Variants in VIM observed in about 807,000 individuals in gnomAD.
VIM encodes epididymis secretory sperm binding protein.
VIM carries 18 observed loss-of-function variants against 50.3 expected under a neutral mutation model. The ratio of observed to expected loss-of-function variants is 0.36; its 90% CI spans 0.25 to 0.53. The LOEUF (loss-of-function observed/expected upper bound fraction) is 0.53. Among genes scored for constraint, VIM ranks in the 20% least tolerant of loss-of-function variants. VIM has a pLI of 0.91. For synonymous variants in VIM, 245 were observed against 248.5 expected, an observed-to-expected ratio of 0.99 and a Z score of 0.13; for missense variants, 551 against 614.7, an observed-to-expected ratio of 0.90 and a Z score of 1.10.
At chr10:17,235,920 G>A (rs770826589) in intron 8 of VIM, 31 bp downstream of exon 8, 32 of 1,600,014 alleles carry the variant, frequency 2.0e-5, no homozygotes, top group East Asian at 8.9e-5. Context: ...TAGGAAAAAC[G>A]TCAGCTGCTT....
intron 3 of VIM, among the ~76,000 whole-genome samples, chr10:17,233,049 G>A (rs1005308776): frequency 1.6e-4 from 24 of 152,240 alleles, no homozygotes; most frequent in Non-Finnish European, 3.2e-4. Context: ...CTGGGTTGAA[G>A]AAATTCTCCT....
At position 17,237,449 on chromosome 10, in the gene VIM, G is replaced by A; in HGVS notation, c.*178G>A. The A allele has an allele frequency of 1.6e-6, 1 of 611,240 alleles. No homozygotes were observed. The highest frequency in any genetic ancestry group is 2.4e-5 in the South Asian group (1 of 42,184). The allele number at this position is 611,240 out of a possible 1,614,324, so 37.9% of individuals were successfully genotyped here. On this transcript the variant is annotated 3_prime_UTR_variant, in exon 10 of 10. Coordinates refer to ENST00000544301, the MANE Select transcript of VIM (RefSeq NM_003380.5). Reference sequence around the variant, plus strand: ...ACACTCCTACAAGATTTAGAAAAAAGTTTACAACATAATCTAGTTTACAGA... The same window carrying A: ...ACACTCCTACAAGATTTAGAAAAAAATTTACAACATAATCTAGTTTACAGA...
chr10:17,235,814 C>A, intron 7 of VIM, 32 bp from the exon 8 acceptor site: 2 of 1,610,552 alleles, frequency 1.2e-6, no homozygotes, highest in East Asian at 2.2e-5. Context: ...TATTTGCCAA[C>A]AATTTTACTG....
At chr10:17,234,051 G>A in intron 5 of VIM, 120 bp downstream of exon 5, 2 of 1,377,910 alleles carry the variant, frequency 1.5e-6, no homozygotes, top group South Asian at 2.5e-5. Flanking sequence ...TTGACTTCTT[G>A]CTCATATTGT....
At chr10:17,232,875 C>T (rs1846820682) in intron 3 of VIM, among the ~76,000 whole-genome samples, 1 of 152,142 alleles carries the variant, frequency 6.6e-6, no homozygotes, top group Non-Finnish European at 1.5e-5. Context: ...CATGTTATTC[C>T]ATGAAATTAC....
At chr10:17,230,595 G>A (rs375806055) in intron 2 of VIM, 55 bp from the exon 3 acceptor site, 18 of 1,601,244 alleles carry the variant, frequency 1.1e-5, no homozygotes, top group Non-Finnish European at 1.4e-5. Flanking sequence ...GGGTGTGGCC[G>A]CCCCGCCCCT....
chr10:17,234,542 T>C (rs1287043039), intron 5 of VIM, 151 bp from the exon 6 acceptor site: 20 of 1,079,808 alleles, frequency 1.9e-5, no homozygotes, highest in Non-Finnish European at 2.6e-5. Context: ...AAAATACTAA[T>C]GTCAGTACTC....
At chr10:17,235,824 G>A (rs1846878119) in intron 7 of VIM, 22 bp from the exon 8 acceptor site, 2 of 1,612,678 alleles carry the variant, frequency 1.2e-6, no homozygotes, top group Admixed American at 1.7e-5. Flanking sequence ...CAATTTTACT[G>A]TTTCTCTTCA....
At position 17,228,531 on chromosome 10, in the gene VIM, C is replaced by T. The variant is rs1459466334; in HGVS notation, c.-148+7C>T. 6.6e-6 allele frequency: 1 copy of T among 152,328 alleles called. No individual in the cohort carries two copies. The highest frequency in any genetic ancestry group is 1.5e-5 in the Non-Finnish European group (1 of 68,152). 9.4% of individuals were successfully genotyped at this position (152,328 alleles called of 1,614,324 possible). A position where few individuals can be genotyped will look rare whatever the true frequency, so the allele number is the denominator to read the frequency against. On this transcript the variant is annotated splice_region_variant and intron_variant, in intron 1 of 9. Transcript: ENST00000544301. ...GGCGGGACAGCAGGGCGCGGTGAGT[C>T]ACCGCCGGTGACTAAGCGACCCCAC...
chr10:17,229,568 G>C lies in VIM; in HGVS notation c.146G>C (p.Ser49Thr). The C allele has an allele frequency of 6.2e-7, 1 of 1,608,906 alleles. No homozygotes were observed. The highest frequency in any genetic ancestry group is 8.5e-7 in the Non-Finnish European group (1 of 1,178,694). The change falls in exon 2 of 10, where the codon AGC (serine) becomes ACC (threonine). Residue 49 changes from serine to threonine, a missense_variant. Around this residue, in one of 3 missense-constraint regions of VIM, gnomAD observed 134 missense variants for 126.4 expected, o/e 1.06. Coordinates refer to ENST00000544301, the MANE Select transcript of VIM (RefSeq NM_003380.5). Reference sequence around the variant, plus strand: ...GGCAGCGCGCTGCGCCCCAGCACCAGCCGCAGCCTCTACGCCTCGTCCCCG... The same window carrying C: ...GGCAGCGCGCTGCGCCCCAGCACCACCCGCAGCCTCTACGCCTCGTCCCCG... ...SLGSALRPSTSRSLYASSPGG... is the reference protein window; with the variant it reads ...SLGSALRPSTTRSLYASSPGG...
At chr10:17,236,708 G>T (rs1740317701) in intron 9 of VIM, among the ~76,000 whole-genome samples, 3 of 152,194 alleles carry the variant, frequency 2.0e-5, no homozygotes, top group South Asian at 4.1e-4. Context: ...ACCTCAATAT[G>T]AGGAATGTTT....
Position 17,235,851 on chromosome 10 carries a change from C to A in VIM, c.1235C>A (p.Ser412Tyr), listed in dbSNP as rs750766626. Reference protein sequence around the residue: ...KLLEGEESRISLPLPNFSSLN... With the variant: ...KLLEGEESRIYLPLPNFSSLN... Reference sequence around the variant, plus strand: ...TTCTCTTCATCTGTTTATAGGATTTCTCTGCCTCTTCCAAACTTTTCCTCC... The same window carrying A: ...TTCTCTTCATCTGTTTATAGGATTTATCTGCCTCTTCCAAACTTTTCCTCC... Residue 412 changes from serine to tyrosine, a missense_variant, in exon 8 of 10, where the codon TCT (serine) becomes TAT (tyrosine). Coordinates refer to ENST00000544301, the MANE Select transcript of VIM (RefSeq NM_003380.5). 6.2e-7 allele frequency: 1 copy of A among 1,613,948 alleles called. No individual in the cohort carries two copies. Among genetic ancestry groups the A allele is most frequent in the Admixed American group, 1.7e-5 (1 of 60,024 alleles).
At position 17,235,313 on chromosome 10, in the gene VIM, G is replaced by T; in HGVS notation, c.1153G>T (p.Asp385Tyr). 1.2e-6 allele frequency: 2 copies of T among 1,614,224 alleles called. No individual in the cohort carries two copies. Among genetic ancestry groups the T allele is most frequent in the Non-Finnish European group, 1.7e-6 (2 of 1,180,038 alleles). ...EMARHLREYQDLLNVKMALDI... is the reference protein window; with the variant it reads ...EMARHLREYQYLLNVKMALDI... ...GGCTCGTCACCTTCGTGAATACCAA[G>T]ACCTGCTCAATGTTAAGATGGCCCT... is the stretch of plus-strand genomic sequence containing the variant. Residue 385 changes from aspartate (D) to tyrosine (Y), a missense_variant, in exon 7 of 10, where the codon GAC (aspartate) becomes TAC (tyrosine). This residue lies in a region of VIM where 394 missense variants were observed against 437.5 expected (regional missense o/e 0.90). Coordinates refer to ENST00000544301, the MANE Select transcript of VIM (RefSeq NM_003380.5).
intron 7 of VIM, 120 bp from the exon 8 acceptor site, chr10:17,235,726 A>G: frequency 1.0e-6 from 1 of 958,108 alleles, no homozygotes; most frequent in Non-Finnish European, 1.7e-6. Context: ...ACAAATCTCT[A>G]GTTTATGATT....
chr10:17,229,548 C>T lies in VIM; in HGVS notation c.126C>T (p.Ser42=). The T allele has an allele frequency of 6.2e-7, 1 of 1,607,862 alleles. No individual in the cohort carries two copies. The highest frequency in any genetic ancestry group is 1.8e-4 in the Middle Eastern group (1 of 5,448). ...TTSTRTYSLG[S]ALRPSTSRSL... Reference sequence around the variant, plus strand: ...CCACCCGCACCTACAGCCTGGGCAGCGCGCTGCGCCCCAGCACCAGCCGCA... The same window carrying T: ...CCACCCGCACCTACAGCCTGGGCAGTGCGCTGCGCCCCAGCACCAGCCGCA... The change falls in exon 2 of 10, where the codon AGC becomes AGT. Residue 42 remains serine, a synonymous_variant. Coordinates refer to ENST00000544301, the MANE Select transcript of VIM (RefSeq NM_003380.5).
At chr10:17,236,015 C>A in intron 8 of VIM, 126 bp downstream of exon 8, 1 of 1,088,738 alleles carries the variant, frequency 9.2e-7, no homozygotes, top group Non-Finnish European at 1.4e-6. Flanking sequence ...TATAAAACAT[C>A]TATAATTTTC....
Position 17,229,714 on chromosome 10 carries a change from A to G in VIM, c.292A>G (p.Asn98Asp), listed in dbSNP as rs529112487. The change falls in exon 2 of 10, where the codon AAC becomes GAC. Residue 98 changes from asparagine (N) to aspartate (D), a missense_variant. By Grantham distance (23) the Asn-to-Asp change is conservative. Transcript: ENST00000544301. ...CGACGCCATCAACACCGAGTTCAAG[A>G]ACACCCGCACCAACGAGAAGGTGGA... ...LADAINTEFK[N>D]TRTNEKVELQ... is the part of the protein sequence containing the mutation. 6.3e-7 allele frequency: 1 copy of G among 1,575,986 alleles called. No homozygotes were observed. Among genetic ancestry groups the G allele is most frequent in the East Asian group, 2.3e-5 (1 of 42,788 alleles).
rs757407024 is a variant in VIM at position 17,233,934 on chromosome 10, A to G, written c.882+3A>G. 1 of 1,612,426 alleles carries G rather than the reference A, an allele frequency of 6.2e-7. No homozygotes were observed. Among genetic ancestry groups the G allele is most frequent in the Non-Finnish European group, 8.5e-7 (1 of 1,179,204 alleles). On this transcript the variant is annotated splice_donor_region_variant and intron_variant, in intron 5 of 9. Coordinates refer to ENST00000544301, the MANE Select transcript of VIM (RefSeq NM_003380.5). Reference sequence around the variant, plus strand: ...CAGAAGAATGGTACAAATCCAAGGTAGGAAACAAATCAGTGCGGCTTCAAC... The same window carrying G: ...CAGAAGAATGGTACAAATCCAAGGTGGGAAACAAATCAGTGCGGCTTCAAC...
In VIM at chr10:17,229,402, C is replaced by A. The variant is rs1478357437; in HGVS notation, c.-21C>A. The stretch of plus-strand genomic sequence containing the variant: ...GTCCGCGCCACCGCCGCCGCCCAGG[C>A]CATCGCCACCCTCCGCAGCCATGTC... On this transcript the variant is annotated 5_prime_UTR_variant, in exon 2 of 10. Transcript: ENST00000544301. The A allele has an allele frequency of 6.3e-7, 1 of 1,591,538 alleles. No homozygotes were observed. The highest frequency in any genetic ancestry group is 2.3e-5 in the East Asian group (1 of 43,588).
Sources: gnomAD v4.1 joint callset for allele counts (sites outside exome capture counted in the v4.1 genomes callset) on GRCh38, gnomAD v4.1.1 for gene constraint, gnomAD v4.1.1 regional missense constraint, MANE v1.5 for transcripts, NCBI Gene and HGNC (gene_info 2026-07-23, HGNC 2026-07-21) for gene names.